JAK1: variants seen among roughly 807,000 people sequenced by gnomAD.
The protein encoded by JAK1 is tyrosine-protein kinase JAK1.
In JAK1, 16 loss-of-function variants were observed where a neutral mutation model predicts 136.6. The ratio of observed to expected loss-of-function variants is 0.12; its 90% CI spans 0.08 to 0.18. JAK1 has a LOEUF of 0.18. JAK1 is among the 10% of genes least tolerant of loss of function. The pLI is 1.00. For synonymous variants in JAK1, 492 were observed against 519.5 expected (o/e 0.95, Z 0.72); for missense variants, 859 against 1,450.1 (o/e 0.59, Z 6.62).
At chr1:64,949,557 C>A (rs576168232) in intron 1 of JAK1, among the ~76,000 whole-genome samples, 12 of 152,252 alleles carry the variant, frequency 7.9e-5, no homozygotes, top group African/African-American at 2.2e-4. Context: ...GCATCAAAAG[C>A]AAATAAATTA....
intron 2 of JAK1, among the ~76,000 whole-genome samples, chr1:64,981,441 C>T (rs1372608499): frequency 6.6e-6 from 1 of 152,226 alleles, no homozygotes; most frequent in African/African-American, 2.4e-5. Flanking sequence ...GGCCCAGTGC[C>T]TCCAGGGTAA....
rs769364813 is a variant in JAK1, at chr1:65,000,850, GT to G, written c.-78+43629del. On this transcript the variant is annotated intron_variant, in intron 2 of 25. Coordinates refer to the JAK1 transcript ENST00000671954. ...ATTTTTGTGATTTTTAAAAAGGAGGGTTTTTTTTTTGGTGGGGGGGCGGTTG... is the reference window on the plus strand; with the variant it reads ...ATTTTTGTGATTTTTAAAAAGGAGGGTTTTTTTTTGGTGGGGGGGCGGTTG... Among the ~76,000 whole-genome samples the G allele has an allele frequency of 3.5e-3, 503 of 144,716 alleles. 4 individuals carry two copies. Among genetic ancestry groups the G allele is most frequent in the African/African-American group, 9.9e-3 (392 of 39,602 alleles). The allele number at this position is 144,716 out of a possible 152,430, so 94.9% of individuals were successfully genotyped here. A position where few individuals can be genotyped will look rare whatever the true frequency, so the allele number is the denominator to read the frequency against.
intron 2 of JAK1, among the ~76,000 whole-genome samples, chr1:65,013,399 A>C (rs1646866453): frequency 6.6e-6 from 1 of 151,940 alleles, no homozygotes; most frequent in African/African-American, 2.4e-5. Context: ...CTGTCTAAAA[A>C]AAAAAAAACA....
At chr1:64,858,806 A>G (rs1051198232) in intron 9 of JAK1, among the ~76,000 whole-genome samples, 1 of 152,214 alleles carries the variant, frequency 6.6e-6, no homozygotes, top group Non-Finnish European at 1.5e-5. Context: ...AAAATAAGGT[A>G]GAGTGCAGTG....
At chr1:64,960,837 C>T (rs1646270959) in intron 1 of JAK1, among the ~76,000 whole-genome samples, 1 of 152,190 alleles carries the variant, frequency 6.6e-6, no homozygotes, top group Non-Finnish European at 1.5e-5. Context: ...TTCATTTATG[C>T]TCAACAACTT....
intron 3 of JAK1, among the ~76,000 whole-genome samples, chr1:64,880,081 G>A (rs1161461586): frequency 6.6e-6 from 1 of 152,124 alleles, no homozygotes; most frequent in Non-Finnish European, 1.5e-5. Flanking sequence ...TTCCCAAATC[G>A]GACATCTGCA....
At chr1:64,998,026 A>G (rs1179125419) in intron 2 of JAK1, among the ~76,000 whole-genome samples, 1 of 152,260 alleles carries the variant, frequency 6.6e-6, no homozygotes, top group East Asian at 1.9e-4. Context: ...GAAATAGAAC[A>G]AAAAGATAGA....
In JAK1 at chr1:64,838,807, A is replaced by G. The variant is rs151037230; in HGVS notation, c.2843-218T>C. Reference sequence around the variant, plus strand: ...CTCACAGGCATAAGCACTCACTGAGATAACAGTCAGAGTGCTCTGTAAACC... The same window carrying G: ...CTCACAGGCATAAGCACTCACTGAGGTAACAGTCAGAGTGCTCTGTAAACC... On this transcript the variant is annotated intron_variant, in intron 20 of 24. Transcript: ENST00000342505. Among the ~76,000 whole-genome samples the G allele has an allele frequency of 2.5e-4, 38 of 152,314 alleles. No individual in the cohort carries two copies. The East Asian group carries it at 5.4e-3, about 22-fold the overall frequency.
intron 8 of JAK1, among the ~76,000 whole-genome samples, chr1:64,863,412 C>T (rs1266291009): frequency 6.6e-6 from 1 of 152,150 alleles, no homozygotes; most frequent in Non-Finnish European, 1.5e-5. Flanking sequence ...GCTCCATCAA[C>T]AGCACTTCTT....
At chr1:64,882,695 A>G (rs1644792048) in intron 3 of JAK1, among the ~76,000 whole-genome samples, 1 of 152,130 alleles carries the variant, frequency 6.6e-6, no homozygotes, top group Non-Finnish European at 1.5e-5. Context: ...TCTCACTTGA[A>G]AGGAGAAAAA....
intron 8 of JAK1, among the ~76,000 whole-genome samples, chr1:64,861,841 G>A (rs992056144): frequency 1.3e-5 from 2 of 152,146 alleles, no homozygotes; most frequent in South Asian, 2.1e-4. Context: ...ACTGCCTTGC[G>A]GGTGTGACCA....
At chr1:64,845,741 C>T in intron 14 of JAK1, 101 bp from the exon 15 acceptor site, 1 of 1,387,030 alleles carries the variant, frequency 7.2e-7, no homozygotes, top group Middle Eastern at 2.2e-4. Context: ...TACTCGGCCT[C>T]AGAGTACACA....
intron 1 of JAK1, among the ~76,000 whole-genome samples, chr1:65,047,900 T>C (rs1269193665): frequency 6.6e-6 from 1 of 151,762 alleles, no homozygotes; most frequent in Non-Finnish European, 1.5e-5. Flanking sequence ...TGTGAAAGAA[T>C]TGAGATAATA....
chr1:64,846,301 C>T (rs1459751519), intron 14 of JAK1, among the ~76,000 whole-genome samples: 1 of 152,062 alleles, frequency 6.6e-6, no homozygotes, highest in Non-Finnish European at 1.5e-5. Flanking sequence ...CGTCTTGCTG[C>T]TTGTGGGGTG....
chr1:65,028,513 G>T (rs1042161234), intron 2 of JAK1, among the ~76,000 whole-genome samples: 1 of 149,494 alleles, frequency 6.7e-6, no homozygotes, highest in Non-Finnish European at 1.5e-5. Context: ...GGGAGGGAGG[G>T]ACTGGTATAA....
intron 1 of JAK1, among the ~76,000 whole-genome samples, chr1:65,055,956 C>CGGGGAAAACAGGAAGATCAGGGAAGGT (rs1553185473): frequency 1.5e-4 from 23 of 152,266 alleles, no homozygotes; most frequent in African/African-American, 5.1e-4. Context: ...AAACTAGTAA[C>CGGGGAAAACAGGAAGATCAGGGAAGGT]GGGGAAAACA....
At chr1:64,902,812 G>C (rs1645131999) in intron 1 of JAK1, among the ~76,000 whole-genome samples, 1 of 152,092 alleles carries the variant, frequency 6.6e-6, no homozygotes, top group African/African-American at 2.4e-5. Flanking sequence ...TTCTTCAACA[G>C]TAATTTTTAG....
chr1:65,034,243 T>C (rs7519682), intron 2 of JAK1, among the ~76,000 whole-genome samples: 3,564 of 152,208 alleles, frequency 0.023, 124 homozygotes, highest in African/African-American at 0.082. Context: ...GGATGGCATA[T>C]AAATAGGGTG....
At chr1:65,050,107 T>C (rs1047639997) in intron 1 of JAK1, among the ~76,000 whole-genome samples, 2 of 152,190 alleles carry the variant, frequency 1.3e-5, no homozygotes, top group African/African-American at 4.8e-5. Context: ...CTGTGGGTTC[T>C]TCTCACCCAT....
Sources: allele counts gnomAD v4.1 joint callset (sites outside exome capture counted in the v4.1 genomes callset), GRCh38; gene constraint gnomAD v4.1.1; transcripts MANE v1.5; gene names NCBI Gene and HGNC (gene_info 2026-07-23, HGNC 2026-07-21).